IGFLR1: variants seen among roughly 807,000 people sequenced by gnomAD.
IGFLR1 encodes IGF like family receptor 1.
A neutral mutation model predicts 23.4 loss-of-function variants in IGFLR1; 17 were observed. That is an observed-to-expected ratio of 0.73 (90% CI 0.50 to 1.09). The LOEUF is 1.09. Ranked by LOEUF, IGFLR1 falls within the 50% of genes least tolerant of loss-of-function variation. The pLI is 0.00. For missense variants in IGFLR1, 556 were observed against 459.2 expected, an observed-to-expected ratio of 1.21 and a Z score of -1.93; for synonymous variants, 265 against 210.7, an observed-to-expected ratio of 1.26 and a Z score of -2.23.
At chr19:35,740,193 A>G (rs760010076) in intron 3 of IGFLR1, 105 bp from the exon 4 acceptor site, 4 of 1,407,686 alleles carry the variant, frequency 2.8e-6, no homozygotes, top group Non-Finnish European at 2.8e-6. Flanking sequence ...CCCATCTGAT[A>G]CGGTATCTGA....
rs904970845 is a variant in IGFLR1, at chr19:35,739,957, C to T, written c.474G>A (p.Trp158Ter). The change falls in exon 4 of 5, where the codon TGG (tryptophan) becomes TGA (stop). Residue 158 changes from tryptophan to a stop codon, truncating the protein, a stop_gained. Transcript: ENST00000246532. LOFTEE classifies it high-confidence loss of function. Reference protein sequence around the residue: ...RTPEPVPQQAWPNFLPLVVLV... With the variant: ...RTPEPVPQQA ...GCACCACGAGCGGAAGGAAATTCGG[C>T]CAGGCCTGCTGAGGGACAGGCTCAG... is the stretch of plus-strand genomic sequence containing the variant. 9 of 1,614,030 alleles carry T rather than the reference C, an allele frequency of 5.6e-6. No homozygotes were observed. Among genetic ancestry groups the T allele is most frequent in the Non-Finnish European group, 6.8e-6 (8 of 1,180,018 alleles).
At chr19:35,740,992 C>G in intron 2 of IGFLR1, 32 bp downstream of exon 2, 1 of 1,604,666 alleles carries the variant, frequency 6.2e-7, no homozygotes, top group African/African-American at 1.3e-5. Flanking sequence ...CTGCAAGCTC[C>G]GCCCAAGCAA....
chr19:35,739,078 G>C lies in IGFLR1; in HGVS notation c.*202C>G. 1 of 590,324 alleles carries C rather than the reference G, an allele frequency of 1.7e-6. No individual in the cohort carries two copies. The highest frequency in any genetic ancestry group is 1.9e-5 in the African/African-American group (1 of 53,880). 36.6% of individuals were successfully genotyped at this position (590,324 alleles called of 1,614,324 possible). On this transcript the variant is annotated 3_prime_UTR_variant, in exon 5 of 5. Transcript: ENST00000246532. ...CTGTCTGTAGCAGGGTTGTTTCCCA[G>C]AGGGGATTCTGGTGGCCCAGAGGCA...
intron 1 of IGFLR1, 32 bp from the exon 2 acceptor site, chr19:35,741,255 A>G (rs182036503): frequency 6.4e-7 from 1 of 1,572,544 alleles, no homozygotes; most frequent in African/African-American, 1.3e-5. Flanking sequence ...GGCAGAAGAA[A>G]GGACGCGGTG....
Position 35,739,057 on chromosome 19 carries a change from C to A in IGFLR1, c.*223G>T. 1.7e-6 allele frequency: 1 copy of A among 576,090 alleles called. No homozygotes were observed. Among genetic ancestry groups the A allele is most frequent in the Non-Finnish European group, 3.1e-6 (1 of 326,370 alleles). 35.7% of individuals were successfully genotyped at this position (576,090 alleles called of 1,614,324 possible). A position where few individuals can be genotyped will look rare whatever the true frequency, so the allele number is the denominator to read the frequency against. On this transcript the variant is annotated 3_prime_UTR_variant, in exon 5 of 5. Coordinates refer to ENST00000246532, the MANE Select transcript of IGFLR1 (RefSeq NM_024660.4). Reference sequence around the variant, plus strand: ...CAGAACAACACAACACAGCAACTGTCTGTAGCAGGGTTGTTTCCCAGAGGG... The same window carrying A: ...CAGAACAACACAACACAGCAACTGTATGTAGCAGGGTTGTTTCCCAGAGGG...
In IGFLR1 at chr19:35,741,078, C is replaced by T; in HGVS notation, c.103G>A (p.Asp35Asn). The change falls in exon 2 of 5, where the codon GAC becomes AAC. Residue 35 changes from aspartate to asparagine, a missense_variant. Coordinates refer to ENST00000246532, the MANE Select transcript of IGFLR1 (RefSeq NM_024660.4). ...AGGCAGCTGCTGCAGCACTTGTTGT[C>T]TGGGTTCCAGTATTCAAGGCGGCCG... is the stretch of plus-strand genomic sequence containing the variant. ...YCGRLEYWNPDNKCCSSCLQR... is the reference protein window; with the variant it reads ...YCGRLEYWNPNNKCCSSCLQR... 3 of 1,607,110 alleles carry T rather than the reference C, an allele frequency of 1.9e-6. No individual in the cohort carries two copies. The highest frequency in any genetic ancestry group is 2.6e-6 in the Non-Finnish European group (3 of 1,175,920).
At chr19:35,740,642 C>A (rs1599715153) in intron 2 of IGFLR1, 78 bp from the exon 3 acceptor site, 1 of 1,349,902 alleles carries the variant, frequency 7.4e-7, no homozygotes, top group East Asian at 2.5e-5. Context: ...TCGCCCTATC[C>A]CAGCGTGCCC....
rs1262787586 is a variant in IGFLR1 at position 35,738,855 on chromosome 19, C to T, written c.*425G>A. On this transcript the variant is annotated 3_prime_UTR_variant, in exon 5 of 5. Coordinates refer to ENST00000246532, the MANE Select transcript of IGFLR1 (RefSeq NM_024660.4). The surrounding 1 kb of genome is among the most constrained non-coding windows in gnomAD (Gnocchi z 8.7). ...GGGGTCCCAGGTGGGAACCCCCCCA[C>T]AATAAAGTCTGTCAATGTTTGGAGA... 3 of 486,938 alleles carry T rather than the reference C, an allele frequency of 6.2e-6. No homozygotes were observed. Among genetic ancestry groups the T allele is most frequent in the Admixed American group, 7.7e-5 (2 of 25,910 alleles). 30.2% of individuals were successfully genotyped at this position (486,938 alleles called of 1,614,324 possible).
chr19:35,740,662 A>G, intron 2 of IGFLR1, 98 bp from the exon 3 acceptor site: 2 of 1,203,354 alleles, frequency 1.7e-6, no homozygotes, highest in South Asian at 1.5e-5. Context: ...CCGCCCCTCC[A>G]GGACGCTTCC....
At chr19:35,742,231 A>G (rs1458279004) in intron 1 of IGFLR1, among the ~76,000 whole-genome samples, 165 bp downstream of exon 1, 1 of 149,914 alleles carries the variant, frequency 6.7e-6, no homozygotes, top group Non-Finnish European at 1.5e-5. Context: ...TCAGCCCCAT[A>G]CTGGCTGGAG....
chr19:35,740,829 C>G, intron 2 of IGFLR1, 195 bp downstream of exon 2: 5 of 649,978 alleles, frequency 7.7e-6, no homozygotes, highest in Non-Finnish European at 1.3e-5. Flanking sequence ...CCAGCCATAT[C>G]CATTCGCTGT....
At position 35,739,213 on chromosome 19, in the gene IGFLR1, C is replaced by A; in HGVS notation, c.*67G>T. 7.3e-7 allele frequency: 1 copy of A among 1,376,058 alleles called. No individual in the cohort carries two copies. The highest frequency in any genetic ancestry group is 9.8e-7 in the Non-Finnish European group (1 of 1,021,624). 85.2% of individuals were successfully genotyped at this position (1,376,058 alleles called of 1,614,324 possible). On this transcript the variant is annotated 3_prime_UTR_variant, in exon 5 of 5. Transcript: ENST00000246532. Reference sequence around the variant, plus strand: ...GGGTCTTTGCCCAATTAGGATTGTACTTCAAGAAGTACTTCAGTGCTAATT... The same window carrying A: ...GGGTCTTTGCCCAATTAGGATTGTAATTCAAGAAGTACTTCAGTGCTAATT...
At chr19:35,742,166 T>C (rs951429494) in intron 1 of IGFLR1, among the ~76,000 whole-genome samples, 10 of 152,100 alleles carry the variant, frequency 6.6e-5, no homozygotes, top group Non-Finnish European at 1.3e-4. Flanking sequence ...GTAAACTCAG[T>C]GTTTAAGTGT....
At position 35,741,235 on chromosome 19, in the gene IGFLR1, G is replaced by C. The variant is rs2242524; in HGVS notation, c.-43-12C>G. 1 of 1,593,322 alleles carries C rather than the reference G, an allele frequency of 6.3e-7. No individual in the cohort carries two copies. Among genetic ancestry groups the C allele is most frequent in the African/African-American group, 1.3e-5 (1 of 74,994 alleles). ...ACACAGCGCCTCTGCTACACTTTCCGGGGAAATCGGGCAGAAGAAAGGACG... is the reference window on the plus strand; with the variant it reads ...ACACAGCGCCTCTGCTACACTTTCCCGGGAAATCGGGCAGAAGAAAGGACG... On this transcript the variant is annotated splice_polypyrimidine_tract_variant and intron_variant, in intron 1 of 4. Transcript: ENST00000246532.
At position 35,740,418 on chromosome 19, in the gene IGFLR1, C is replaced by T. The variant is rs773177292; in HGVS notation, c.304G>A (p.Ala102Thr). The T allele has an allele frequency of 6.8e-6, 11 of 1,607,550 alleles. No individual in the cohort carries two copies. The highest frequency in any genetic ancestry group is 9.3e-6 in the Non-Finnish European group (11 of 1,177,468). Residue 102 changes from alanine (A) to threonine (T), a missense_variant, in exon 3 of 5, where the codon GCC becomes ACC. Physicochemically the swap from Ala to Thr is moderately conservative, Grantham distance 58. Transcript: ENST00000246532. The stretch of plus-strand genomic sequence containing the variant: ...CACGGGGTTCTGCCCCCGCCCGCGG[C>T]GGGAGTAGGGGTCACGGCTCCGCCG... ...CGGGAVTPTP[A>T]AGGGRTPWRC...
chr19:35,741,655 T>TAAA (rs1970241203), intron 1 of IGFLR1: 2 of 9,892 alleles, frequency 2.0e-4, no homozygotes, highest in African/African-American at 1.2e-3. Context: ...ACCCCATCTT[T>TAAA]ACAAAAAAAA....
chr19:35,741,370 A>G, intron 1 of IGFLR1, 147 bp from the exon 2 acceptor site: 1 of 743,954 alleles, frequency 1.3e-6, no homozygotes. Flanking sequence ...CAAGGCCACT[A>G]GGGGACTAAC....
In IGFLR1 at chr19:35,739,962, C is replaced by T. The variant is rs763486522; in HGVS notation, c.469G>A (p.Ala157Thr). 36 of 1,614,042 alleles carry T rather than the reference C, an allele frequency of 2.2e-5. No homozygotes were observed. The highest frequency in any genetic ancestry group is 5.0e-5 in the Admixed American group (3 of 60,006). The change falls in exon 4 of 5, where the codon GCC becomes ACC. Residue 157 changes from alanine (A) to threonine (T), a missense_variant. Physicochemically the swap from Ala to Thr is moderately conservative, Grantham distance 58. Transcript: ENST00000246532. ...WRTPEPVPQQ[A>T]WPNFLPLVVL... Reference sequence around the variant, plus strand: ...ACGAGCGGAAGGAAATTCGGCCAGGCCTGCTGAGGGACAGGCTCAGGGGTC... The same window carrying T: ...ACGAGCGGAAGGAAATTCGGCCAGGTCTGCTGAGGGACAGGCTCAGGGGTC...
In IGFLR1 at chr19:35,741,237, G is replaced by A; in HGVS notation, c.-43-14C>T. ...ACAGCGCCTCTGCTACACTTTCCGG[G>A]GAAATCGGGCAGAAGAAAGGACGCG... On this transcript the variant is annotated splice_polypyrimidine_tract_variant and intron_variant, in intron 1 of 4. Coordinates refer to ENST00000246532, the MANE Select transcript of IGFLR1 (RefSeq NM_024660.4). 6.3e-7 allele frequency: 1 copy of A among 1,593,656 alleles called. No homozygotes were observed. The highest frequency in any genetic ancestry group is 8.5e-7 in the Non-Finnish European group (1 of 1,173,890).
Sources: allele counts gnomAD v4.1 joint callset (sites outside exome capture counted in the v4.1 genomes callset), GRCh38; gene constraint gnomAD v4.1.1; non-coding constraint Gnocchi (gnomAD v3.1); transcripts MANE v1.5; gene names NCBI Gene and HGNC (gene_info 2026-07-23, HGNC 2026-07-21).